GLIS1: variants seen among roughly 807,000 people sequenced by gnomAD.
GLIS1 encodes the protein zinc finger protein GLIS1.
GLIS1 carries 24 observed loss-of-function variants against 63.8 expected under a neutral mutation model. The observed-to-expected ratio is 0.38, with a 90% CI of 0.27 to 0.53. The LOEUF (loss-of-function observed/expected upper bound fraction) is 0.53. Ranked by LOEUF, GLIS1 falls within the 20% of genes least tolerant of loss-of-function variation. The pLI is 0.85. For missense variants in GLIS1, 1,036 were observed against 1,074.1 expected (o/e 0.96, Z 0.50); for synonymous variants, 450 against 482.5 (o/e 0.93, Z 0.88).
intron 2 of GLIS1, among the ~76,000 whole-genome samples, chr1:53,721,489 A>T (rs893302492): frequency 7.5e-5 from 11 of 147,174 alleles, no homozygotes; most frequent in Non-Finnish European, 3.0e-5. Flanking sequence ...TACAGAAGAA[A>T]ATGCCAAAAA....
chr1:53,541,781 A>C (rs1016879181), intron 4 of GLIS1, among the ~76,000 whole-genome samples: 24 of 152,246 alleles, frequency 1.6e-4, no homozygotes, highest in Admixed American at 2.0e-4. Flanking sequence ...CAGCCCTGTG[A>C]GAGGCAGGAC....
chr1:53,603,013 G>C (rs1427978731), intron 2 of GLIS1, among the ~76,000 whole-genome samples: 3 of 152,330 alleles, frequency 2.0e-5, no homozygotes, highest in African/African-American at 4.8e-5. Flanking sequence ...AGTTTGCCAA[G>C]GTCACACAGG....
chr1:53,612,527 A>T (rs1158637885), intron 2 of GLIS1, among the ~76,000 whole-genome samples: 1 of 151,632 alleles, frequency 6.6e-6, no homozygotes, highest in African/African-American at 2.4e-5. Flanking sequence ...GGTGTGAGCC[A>T]CCGCGCCTGG....
chr1:53,548,702 A>G (rs1644729456), intron 4 of GLIS1, among the ~76,000 whole-genome samples: 1 of 152,240 alleles, frequency 6.6e-6, no homozygotes, highest in African/African-American at 2.4e-5. Context: ...TCTGGCTGAC[A>G]TTATGCTTGC....
In GLIS1 at chr1:53,637,823, T is replaced by C. The variant is rs188290236; in HGVS notation, c.260-37545A>G. ...TACCAATTGCAGAGCTCTCACCATG[T>C]ATCAAGCAGTGATGGCCAGACCTGG... On this transcript the variant is annotated intron_variant, in intron 2 of 10. Coordinates refer to ENST00000628545, the MANE Select transcript of GLIS1 (RefSeq NM_001367484.1). Among the ~76,000 whole-genome samples the C allele has an allele frequency of 3.9e-5, 6 of 152,280 alleles. No individual in the cohort carries two copies. The East Asian group carries it at 9.7e-4, about 25-fold the overall frequency.
At chr1:53,624,377 T>C (rs988731977) in intron 2 of GLIS1, among the ~76,000 whole-genome samples, 5 of 152,110 alleles carry the variant, frequency 3.3e-5, no homozygotes, top group African/African-American at 1.2e-4. Flanking sequence ...ACACCACACA[T>C]GAAAATTAAT....
intron 4 of GLIS1, among the ~76,000 whole-genome samples, chr1:53,532,742 T>G (rs3888344): frequency 0.2 from 29,717 of 152,184 alleles, 6,435 homozygotes; most frequent in East Asian, 0.52. Flanking sequence ...CCTCCAGGCT[T>G]CGTCATTTTC....
At chr1:53,694,233 C>T (rs1425484566) in intron 2 of GLIS1, among the ~76,000 whole-genome samples, 1 of 151,960 alleles carries the variant, frequency 6.6e-6, no homozygotes, top group African/African-American at 2.4e-5. Context: ...GGTGGGCCCT[C>T]TAGGTGAGAA....
chr1:53,655,047 G>A (rs1645949770), intron 2 of GLIS1, among the ~76,000 whole-genome samples: 1 of 152,102 alleles, frequency 6.6e-6, no homozygotes, highest in Non-Finnish European at 1.5e-5. Context: ...GCAGGTGACG[G>A]GGCCTAGTGC....
intron 2 of GLIS1, among the ~76,000 whole-genome samples, chr1:53,701,303 G>A (rs1646520321): frequency 2.0e-5 from 3 of 152,288 alleles, no homozygotes; most frequent in African/African-American, 7.2e-5. Flanking sequence ...TCTTTTTGGT[G>A]ACAGCCATTT....
chr1:53,724,932 G>A (rs1646790757), intron 2 of GLIS1, among the ~76,000 whole-genome samples: 1 of 152,160 alleles, frequency 6.6e-6, no homozygotes, highest in South Asian at 2.1e-4. Flanking sequence ...AGAGGAATAG[G>A]AGGCGAGTCT....
rs2461401 is a variant in GLIS1, at chr1:53,558,144, A to G, written c.1321-28192T>C. 4.0e-3 allele frequency among the ~76,000 whole-genome samples: 606 copies of G among 152,310 alleles called. 5 individuals are homozygous for G. Among genetic ancestry groups the G allele is most frequent in the African/African-American group, 0.012 (498 of 41,564 alleles). On this transcript the variant is annotated intron_variant, in intron 4 of 10. Coordinates refer to ENST00000628545, the MANE Select transcript of GLIS1 (RefSeq NM_001367484.1). ...TGTCAAACACACGCAACGTGCAAAC[A>G]ATGTGACCAAGAGCCTGCCCTCGGA...
intron 2 of GLIS1, among the ~76,000 whole-genome samples, chr1:53,711,076 T>G (rs1447545143): frequency 6.6e-6 from 1 of 152,056 alleles, no homozygotes; most frequent in Non-Finnish European, 1.5e-5. Context: ...AGGAAAACAC[T>G]GGTGGGTCCA....
At chr1:53,728,760 A>G (rs1361067079) in intron 2 of GLIS1, among the ~76,000 whole-genome samples, 1 of 152,254 alleles carries the variant, frequency 6.6e-6, no homozygotes, top group African/African-American at 2.4e-5. Flanking sequence ...GTAAAGAGTA[A>G]ATTCCAGGTC....
chr1:53,609,892 T>C (rs1299300109), intron 2 of GLIS1, among the ~76,000 whole-genome samples: 1 of 152,222 alleles, frequency 6.6e-6, no homozygotes, highest in Non-Finnish European at 1.5e-5. Flanking sequence ...TACAAACATG[T>C]ACAGCATGGT....
At chr1:53,673,393 C>G (rs555521732) in intron 2 of GLIS1, among the ~76,000 whole-genome samples, 1 of 152,320 alleles carries the variant, frequency 6.6e-6, no homozygotes, top group East Asian at 1.9e-4. Context: ...AGGGAATGAA[C>G]CAAAAGGGCT....
Position 53,529,786 on chromosome 1 carries a change from C to T in GLIS1, c.1482+5G>A. On this transcript the variant is annotated splice_donor_5th_base_variant and intron_variant, in intron 5 of 10. Coordinates refer to ENST00000628545, the MANE Select transcript of GLIS1 (RefSeq NM_001367484.1). ...CCGCCCTGGGCCTCTGCCTGTTGGGCCTACCGTGTCTAGGTGGGTGCGCTG... is the reference window on the plus strand; with the variant it reads ...CCGCCCTGGGCCTCTGCCTGTTGGGTCTACCGTGTCTAGGTGGGTGCGCTG... 1 of 1,609,840 alleles carries T rather than the reference C, an allele frequency of 6.2e-7. No homozygotes were observed. Among genetic ancestry groups the T allele is most frequent in the South Asian group, 1.1e-5 (1 of 90,854 alleles).
chr1:53,704,659 G>A (rs567769992), intron 2 of GLIS1, among the ~76,000 whole-genome samples: 2,192 of 152,268 alleles, frequency 0.014, 22 homozygotes, highest in Non-Finnish European at 0.022. Context: ...CCATCTCAGG[G>A]AGCCCAGGGT....
chr1:53,508,843 T>A (rs1644264781), intron 10 of GLIS1, among the ~76,000 whole-genome samples: 2 of 152,238 alleles, frequency 1.3e-5, no homozygotes, highest in African/African-American at 4.8e-5. Flanking sequence ...AATTAAACCA[T>A]GAGCTCCCAG....
Sources: allele counts gnomAD v4.1 joint callset (sites outside exome capture counted in the v4.1 genomes callset), GRCh38; gene constraint gnomAD v4.1.1; transcripts MANE v1.5; gene names NCBI Gene and HGNC (gene_info 2026-07-23, HGNC 2026-07-21).